ARHGAP12: variants seen among roughly 807,000 people sequenced by gnomAD.
The protein encoded by ARHGAP12 is Rho GTPase activating protein 12, also known as rho GTPase-activating protein 12.
Under a neutral mutation model 108.6 loss-of-function variants are expected in ARHGAP12, and 64 were observed. The observed-to-expected ratio is 0.59, with a 90% CI of 0.48 to 0.73. The LOEUF is 0.73. ARHGAP12 is among the 30% of genes least tolerant of loss of function. The pLI is 0.00. For missense variants in ARHGAP12, 940 were observed against 1,005.9 expected, an observed-to-expected ratio of 0.93 and a Z score of 0.89; for synonymous variants, 312 against 337.2, an observed-to-expected ratio of 0.93 and a Z score of 0.82.
intron 6 of ARHGAP12, 99 bp downstream of exon 6, chr10:31,852,418 A>G: frequency 1.0e-6 from 1 of 1,002,672 alleles, no homozygotes; most frequent in South Asian, 1.4e-5. Context: ...TACTTTGTAA[A>G]AGTAGAATAA....
At chr10:31,881,811 A>G (rs903833574) in intron 3 of ARHGAP12, among the ~76,000 whole-genome samples, 13 of 152,216 alleles carry the variant, frequency 8.5e-5, no homozygotes, top group Non-Finnish European at 1.3e-4. Flanking sequence ...AGTGTAAAAT[A>G]TATTCATAAC....
intron 4 of ARHGAP12, among the ~76,000 whole-genome samples, chr10:31,859,767 T>C (rs1376679566): frequency 2.0e-5 from 3 of 152,098 alleles, no homozygotes; most frequent in Admixed American, 6.6e-5. Flanking sequence ...TATTTTCAAA[T>C]CTTTCTAATG....
chr10:31,888,039 T>G (rs983060002), intron 3 of ARHGAP12, among the ~76,000 whole-genome samples: 18 of 152,166 alleles, frequency 1.2e-4, no homozygotes, highest in African/African-American at 4.1e-4. Context: ...TGAACTATAA[T>G]AAGTTTGGAT....
intron 3 of ARHGAP12, among the ~76,000 whole-genome samples, chr10:31,867,596 G>A (rs1837374163): frequency 6.6e-6 from 1 of 152,160 alleles, no homozygotes; most frequent in Non-Finnish European, 1.5e-5. Context: ...CAATGCTGGT[G>A]AAGGTGGGAT....
At chr10:31,839,458 AGGG>A (rs1241243074) in intron 8 of ARHGAP12, 139 bp from the exon 9 acceptor site, 1 of 1,092,492 alleles carries the variant, frequency 9.2e-7, no homozygotes, top group Non-Finnish European at 1.3e-6. Flanking sequence ...TTTAAACAAA[AGGG>A]GGACTTTTAA....
chr10:31,908,469 A>C lies in ARHGAP12; in HGVS notation c.387T>G (p.Ile129Met). 6.2e-7 allele frequency: 1 copy of C among 1,614,230 alleles called. No individual in the cohort carries two copies. Among genetic ancestry groups the C allele is most frequent in the Non-Finnish European group, 8.5e-7 (1 of 1,180,038 alleles). The change falls in exon 3 of 20, where the codon ATT (isoleucine) becomes ATG (methionine). Residue 129 changes from isoleucine to methionine, a missense_variant. Ile to Met is a conservative substitution (Grantham distance 10). Coordinates refer to ENST00000344936, the MANE Select transcript of ARHGAP12 (RefSeq NM_018287.7). ...PSSSVQGTGL[I>M]RDANQNFGPS... is the part of the protein sequence containing the mutation. ...GTCCAAAATTCTGATTGGCATCACG[A>C]ATAAGACCTGTTCCTTGAACAGATG...
intron 3 of ARHGAP12, among the ~76,000 whole-genome samples, chr10:31,899,453 T>G (rs1180694767): frequency 6.6e-6 from 1 of 152,138 alleles, no homozygotes; most frequent in African/African-American, 2.4e-5. Context: ...TACAACCAAG[T>G]AGGAAGACAC....
intron 1 of ARHGAP12, among the ~76,000 whole-genome samples, chr10:31,911,272 C>G (rs889320633): frequency 6.6e-6 from 1 of 152,198 alleles, no homozygotes; most frequent in Non-Finnish European, 1.5e-5. Context: ...GATCCGCCTG[C>G]CTCAGCCTCC....
intron 6 of ARHGAP12, among the ~76,000 whole-genome samples, chr10:31,847,713 T>C (rs1836513514): frequency 6.6e-6 from 1 of 152,138 alleles, no homozygotes; most frequent in South Asian, 2.1e-4. Context: ...GTTCCTTGCA[T>C]GCACTGTGGG....
At chr10:31,916,093 C>T (rs1027253574) in intron 1 of ARHGAP12, among the ~76,000 whole-genome samples, 1 of 152,102 alleles carries the variant, frequency 6.6e-6, no homozygotes, top group African/African-American at 2.4e-5. Flanking sequence ...ACAACGCTGT[C>T]CAAGCACAAT....
chr10:31,860,582 T>C (rs529707961), intron 4 of ARHGAP12, among the ~76,000 whole-genome samples: 90 of 152,314 alleles, frequency 5.9e-4, no homozygotes, highest in African/African-American at 2.1e-3. Flanking sequence ...TTAAAGTGAA[T>C]TGTTAGACTT....
chr10:31,810,259 C>G (rs1444188631), intron 16 of ARHGAP12, among the ~76,000 whole-genome samples: 1 of 152,092 alleles, frequency 6.6e-6, no homozygotes, highest in Non-Finnish European at 1.5e-5. Context: ...AAAATGTCAT[C>G]TGATTTTTAG....
chr10:31,910,093 C>T (rs981053267), intron 2 of ARHGAP12, among the ~76,000 whole-genome samples: 4 of 152,024 alleles, frequency 2.6e-5, no homozygotes, highest in South Asian at 2.1e-4. Flanking sequence ...CGAGGGAGCA[C>T]GGCCCTGCCA....
intron 10 of ARHGAP12, among the ~76,000 whole-genome samples, chr10:31,829,085 G>A (rs1226772030): frequency 6.6e-6 from 1 of 152,126 alleles, no homozygotes; most frequent in African/African-American, 2.4e-5. Flanking sequence ...CTGGGAGGCG[G>A]AGGTTGCAGT....
intron 19 of ARHGAP12, 49 bp downstream of exon 19, chr10:31,808,600 C>G: frequency 6.4e-7 from 1 of 1,554,002 alleles, no homozygotes; most frequent in Non-Finnish European, 8.8e-7. Flanking sequence ...CAGGCCTTCC[C>G]GCTTCCCCTT....
intron 4 of ARHGAP12, among the ~76,000 whole-genome samples, chr10:31,860,320 T>C (rs1837067241): frequency 6.6e-6 from 1 of 152,218 alleles, no homozygotes; most frequent in African/African-American, 2.4e-5. Context: ...CTGCTTTCTA[T>C]AACAGCCGGA....
At chr10:31,895,770 C>T (rs1029822452) in intron 3 of ARHGAP12, among the ~76,000 whole-genome samples, 1 of 152,162 alleles carries the variant, frequency 6.6e-6, no homozygotes, top group Non-Finnish European at 1.5e-5. Context: ...AATCATGCTG[C>T]TATAAAGACA....
chr10:31,903,946 A>T (rs1163700117), intron 3 of ARHGAP12, among the ~76,000 whole-genome samples: 2 of 152,230 alleles, frequency 1.3e-5, no homozygotes, highest in African/African-American at 4.8e-5. Context: ...AAATAAAAAA[A>T]TAGTGACAAC....
At chr10:31,921,334 A>C (rs1047631350) in intron 1 of ARHGAP12, among the ~76,000 whole-genome samples, 10 of 152,196 alleles carry the variant, frequency 6.6e-5, no homozygotes, top group Admixed American at 2.6e-4. Context: ...GAAAACATGT[A>C]ATTTCAAAAT....
Sources: gnomAD v4.1 joint callset for allele counts (sites outside exome capture counted in the v4.1 genomes callset) on GRCh38, gnomAD v4.1.1 for gene constraint, MANE v1.5 for transcripts, NCBI Gene and HGNC (gene_info 2026-07-23, HGNC 2026-07-21) for gene names.